The following TLN2 variants were observed in gnomAD, a reference collection of about 807,000 sequenced individuals.
TLN2 encodes talin-2.
A neutral mutation model predicts 294.7 loss-of-function variants in TLN2; 118 were observed. The observed-to-expected ratio is 0.40, with a 90% CI of 0.34 to 0.47. TLN2 has a LOEUF of 0.47. Ranked by LOEUF, TLN2 falls within the 20% of genes least tolerant of loss-of-function variation. The probability of loss-of-function intolerance (pLI) is 0.84; values close to 1 mark genes in which losing one functional copy is unlikely to be tolerated. For synonymous variants in TLN2, 1,431 were observed against 1,304.5 expected, an observed-to-expected ratio of 1.10 and a Z score of -2.09; for missense variants, 3,083 against 3,282.2, an observed-to-expected ratio of 0.94 and a Z score of 1.48.
At chr15:62,830,385 C>T (rs935158508) in intron 54 of TLN2, 2 of 152,612 alleles carry the variant, frequency 1.3e-5, no homozygotes, top group African/African-American at 4.8e-5. Context: ...TCTCCCCAGT[C>T]TCTCAGCTGC....
intron 37 of TLN2, among the ~76,000 whole-genome samples, chr15:62,756,495 C>A (rs970059590): frequency 6.6e-6 from 1 of 152,122 alleles, no homozygotes; most frequent in African/African-American, 2.4e-5. Context: ...CGCGCCAGCT[C>A]CCTCCACAGC....
At chr15:62,670,116 ATTC>A (rs1245262582) in intron 9 of TLN2, among the ~76,000 whole-genome samples, 3 of 152,182 alleles carry the variant, frequency 2.0e-5, no homozygotes, top group African/African-American at 7.2e-5. Flanking sequence ...ACCATCTGGT[ATTC>A]TTCTAGTGAC....
chr15:62,657,363 A>G lies in TLN2; in HGVS notation c.661-408A>G, dbSNP rs573297517. On this transcript the variant is annotated intron_variant, in intron 8 of 58. Transcript: ENST00000636159. ...TTATCTGGGGATGGGGGTTGGGTTGATTTTACCTCTAGATATTTGATTAGC... is the reference window on the plus strand; with the variant it reads ...TTATCTGGGGATGGGGGTTGGGTTGGTTTTACCTCTAGATATTTGATTAGC... Among the ~76,000 whole-genome samples, 15 of 151,764 alleles carry G rather than the reference A, an allele frequency of 9.9e-5. 1 individual carries two copies. The South Asian group carries it at 3.1e-3, about 32-fold the overall frequency.
In TLN2 at chr15:62,707,197, A is replaced by T. The variant is rs746347223; in HGVS notation, c.2116A>T (p.Ile706Phe). 2.5e-6 allele frequency: 4 copies of T among 1,613,894 alleles called. No homozygotes were observed. The highest frequency in any genetic ancestry group is 3.4e-6 in the Non-Finnish European group (4 of 1,179,936). Residue 706 changes from isoleucine (I) to phenylalanine (F), a missense_variant, in exon 20 of 59, where the codon ATT (isoleucine) becomes TTT (phenylalanine). Coordinates refer to ENST00000636159, the MANE Select transcript of TLN2 (RefSeq NM_015059.3). ...AEDTVLQNRV[I>F]AAATQCALST... ...AGACACTGTCCTACAGAACAGGGTA[A>T]TTGCTGCTGCCACCCAGTGTGCCCT...
At position 62,753,924 on chromosome 15, in the gene TLN2, T is replaced by C. The variant is rs1319969371; in HGVS notation, c.4476+8T>C. On this transcript the variant is annotated splice_region_variant and intron_variant, in intron 36 of 58. Coordinates refer to ENST00000636159, the MANE Select transcript of TLN2 (RefSeq NM_015059.3). ...GGCAGCAGCCCATCACAGGTAACTG[T>C]TGGGGAGGATGTAAGATTTCAAGCC... 2.5e-6 allele frequency: 4 copies of C among 1,577,142 alleles called. No homozygotes were observed. The African/African-American group carries it at 5.4e-5, about 21-fold the overall frequency.
intron 1 of TLN2, among the ~76,000 whole-genome samples, chr15:62,564,266 C>G (rs948163041): frequency 6.6e-6 from 1 of 152,166 alleles, no homozygotes; most frequent in Admixed American, 6.5e-5. Context: ...GGCTTCTCCC[C>G]AAGCAAGACA....
At chr15:62,570,742 C>T (rs527602890) in intron 1 of TLN2, among the ~76,000 whole-genome samples, 2 of 152,332 alleles carry the variant, frequency 1.3e-5, no homozygotes, top group African/African-American at 2.4e-5. Context: ...CAGTAGCACT[C>T]GGCCCCAGTG....
intron 32 of TLN2, among the ~76,000 whole-genome samples, chr15:62,740,980 T>C (rs2061292076): frequency 6.6e-6 from 1 of 152,246 alleles, no homozygotes; most frequent in South Asian, 2.1e-4. Context: ...ATCTTCTGTC[T>C]TCTCATACAG....
intron 3 of TLN2, among the ~76,000 whole-genome samples, chr15:62,630,748 AAAG>A (rs1474753753): frequency 2.0e-5 from 3 of 152,110 alleles, no homozygotes; most frequent in Non-Finnish European, 4.4e-5. Context: ...CTAAATCAAT[AAAG>A]AAGAGAATGG....
At chr15:62,495,766 G>A (rs2038981785) in intron 1 of TLN2, among the ~76,000 whole-genome samples, 1 of 152,128 alleles carries the variant, frequency 6.6e-6, no homozygotes, top group Admixed American at 6.5e-5. Context: ...GCCCTAAAGG[G>A]CCACATTCCA....
intron 9 of TLN2, among the ~76,000 whole-genome samples, chr15:62,670,240 C>T (rs549766014): frequency 1.3e-5 from 2 of 152,208 alleles, no homozygotes; most frequent in African/African-American, 2.4e-5. Context: ...CTGGCAGCAA[C>T]GGTTCTCTCA....
At chr15:62,696,929 C>G (rs189886962) in intron 14 of TLN2, among the ~76,000 whole-genome samples, 8 of 152,182 alleles carry the variant, frequency 5.3e-5, no homozygotes, top group Admixed American at 5.2e-4. Flanking sequence ...TCCACATTTC[C>G]CCTTTCAAGC....
At chr15:62,463,272 C>A (rs912119295) in intron 1 of TLN2, among the ~76,000 whole-genome samples, 1 of 152,182 alleles carries the variant, frequency 6.6e-6, no homozygotes, top group African/African-American at 2.4e-5. Flanking sequence ...CTCTGTGTTC[C>A]CTTCTGGATC....
intron 1 of TLN2, among the ~76,000 whole-genome samples, chr15:62,500,661 C>T (rs918209246): frequency 1.3e-5 from 2 of 152,138 alleles, no homozygotes; most frequent in African/African-American, 4.8e-5. Context: ...TGAGAAATGG[C>T]TGAGAAAAGA....
At chr15:62,798,739 C>T (rs1351991443) in intron 48 of TLN2, among the ~76,000 whole-genome samples, 3 of 152,176 alleles carry the variant, frequency 2.0e-5, no homozygotes, top group Non-Finnish European at 4.4e-5. Flanking sequence ...GCCACCAGCT[C>T]GTTCCCTCAC....
chr15:62,415,920 A>T (rs989970381), intron 1 of TLN2, among the ~76,000 whole-genome samples: 5 of 152,206 alleles, frequency 3.3e-5, no homozygotes, highest in Admixed American at 1.3e-4. Context: ...TTGAAGATGT[A>T]ATTGGCTTAA....
At chr15:62,690,665 T>G (rs1232145910) in intron 12 of TLN2, among the ~76,000 whole-genome samples, 16 of 148,182 alleles carry the variant, frequency 1.1e-4, no homozygotes, top group Non-Finnish European at 2.2e-4. Context: ...GGCGGGCAGC[T>G]GGGAGGTGGA....
At chr15:62,599,827 T>C (rs2046839443) in intron 2 of TLN2, among the ~76,000 whole-genome samples, 1 of 152,140 alleles carries the variant, frequency 6.6e-6, no homozygotes, top group Admixed American at 6.5e-5. Context: ...GAGTGAGCGC[T>C]TGCTGTCCCT....
chr15:62,578,017 A>G (rs899990685), intron 1 of TLN2, among the ~76,000 whole-genome samples: 1 of 152,216 alleles, frequency 6.6e-6, no homozygotes. Context: ...TATAAAGGAC[A>G]TGAACTCATC....
Sources: gnomAD v4.1 joint callset for allele counts (sites outside exome capture counted in the v4.1 genomes callset) on GRCh38, gnomAD v4.1.1 for gene constraint, MANE v1.5 for transcripts, NCBI Gene and HGNC (gene_info 2026-07-23, HGNC 2026-07-21) for gene names.